IST1: variants seen among roughly 807,000 people sequenced by gnomAD.
IST1 encodes the protein IST1 homolog.
In IST1, 23 loss-of-function variants were observed where a neutral mutation model predicts 37.0. The observed-to-expected ratio is 0.62, with a 90% CI of 0.45 to 0.88. The LOEUF (loss-of-function observed/expected upper bound fraction) is 0.88. Ranked by LOEUF, IST1 falls within the 40% of genes least tolerant of loss-of-function variation. The pLI is 0.00. For missense variants in IST1, 488 were observed against 445.4 expected (o/e 1.10, Z -0.86); for synonymous variants, 180 against 161.7 (o/e 1.11, Z -0.86).
intron 1 of IST1, among the ~76,000 whole-genome samples, chr16:71,907,712 C>T (rs1427655861): frequency 6.6e-6 from 1 of 152,156 alleles, no homozygotes; most frequent in East Asian, 1.9e-4. Flanking sequence ...TTTCTATTGA[C>T]TTACCTACAA....
At chr16:71,902,311 C>G (rs1416959014) in intron 1 of IST1, among the ~76,000 whole-genome samples, 1 of 152,064 alleles carries the variant, frequency 6.6e-6, no homozygotes, top group Non-Finnish European at 1.5e-5. Context: ...GCTCTGTCAT[C>G]CAGGCTGGAA....
intron 1 of IST1, among the ~76,000 whole-genome samples, chr16:71,899,403 G>A (rs1022124660): frequency 6.6e-6 from 1 of 151,598 alleles, no homozygotes; most frequent in Admixed American, 6.6e-5. Context: ...ACATAGCAAG[G>A]CCCCATCTCT....
intron 2 of IST1, 30 bp from the exon 3 acceptor site, chr16:71,916,432 T>C (rs762921404): frequency 6.2e-7 from 1 of 1,608,150 alleles, no homozygotes; most frequent in East Asian, 2.2e-5. Context: ...GCTCTACTGC[T>C]GTGAGATCGG....
intron 9 of IST1, 37 bp from the exon 10 acceptor site, chr16:71,927,577 C>G: frequency 7.1e-7 from 1 of 1,406,140 alleles, no homozygotes; most frequent in Non-Finnish European, 1.0e-6. Context: ...AGTCATTTCT[C>G]TGGTATTTGT....
Position 71,931,109 on chromosome 16 carries a change from T to C in IST1, c.*3296T>C, listed in dbSNP as rs2037944275. Reference sequence around the variant, plus strand: ...TTTGCTCTATTTGTTTTTTAATGTTTTTTACTTTATGTTTACTGTATTTTT... The same window carrying C: ...TTTGCTCTATTTGTTTTTTAATGTTCTTTACTTTATGTTTACTGTATTTTT... On this transcript the variant is annotated 3_prime_UTR_variant, in exon 10 of 10. Transcript: ENST00000378799. 1 of 152,220 alleles carries C rather than the reference T, an allele frequency of 6.6e-6. No homozygotes were observed. Among genetic ancestry groups the C allele is most frequent in the South Asian group, 2.1e-4 (1 of 4,832 alleles). 9.4% of individuals were successfully genotyped at this position (152,220 alleles called of 1,614,324 possible).
intron 7 of IST1, 96 bp from the exon 8 acceptor site, chr16:71,923,192 G>T (rs1381523514): frequency 9.7e-6 from 6 of 620,888 alleles, no homozygotes; most frequent in Non-Finnish European, 1.1e-5. Context: ...TTTAGTATGA[G>T]AATATAAATG....
rs966726723 is a variant in IST1 at position 71,929,711 on chromosome 16, A to C, written c.*1898A>C. The C allele has an allele frequency of 5.3e-6, 8 of 1,500,812 alleles. No individual in the cohort carries two copies. In the East Asian group the frequency reaches 1.5e-4, roughly 28 times the overall value. 93.0% of individuals were successfully genotyped at this position (1,500,812 alleles called of 1,614,324 possible). On this transcript the variant is annotated 3_prime_UTR_variant, in exon 10 of 10. Coordinates refer to ENST00000378799, the MANE Select transcript of IST1 (RefSeq NM_001270975.2). ...TTGAAGACAAAAAGAGAAAAGTGAG[A>C]AAATTGAAATTACTGCTAATAGTGG...
chr16:71,909,068 G>A (rs889426266), intron 1 of IST1, among the ~76,000 whole-genome samples: 1 of 137,964 alleles, frequency 7.2e-6, no homozygotes, highest in Non-Finnish European at 1.6e-5. Flanking sequence ...ATAGTATTCT[G>A]TCATGTTTTT....
chr16:71,911,944 G>C (rs35404791), intron 1 of IST1, among the ~76,000 whole-genome samples: 37,907 of 151,650 alleles, frequency 0.25, 4,972 homozygotes, highest in Non-Finnish European at 0.28. Flanking sequence ...TCTCACTCCT[G>C]AGCTCAAGTC....
At chr16:71,906,161 G>A (rs1163732340) in intron 1 of IST1, among the ~76,000 whole-genome samples, 3 of 151,710 alleles carry the variant, frequency 2.0e-5, no homozygotes, top group East Asian at 1.9e-4. Context: ...GTGCCACTGC[G>A]CCCAGCTGAT....
At position 71,929,314 on chromosome 16, in the gene IST1, C is replaced by G; in HGVS notation, c.*1501C>G. ...CATCCTGGGCCATGGGTGGTGAGTT[C>G]TGTTACTTGCTGCTTGGCAGCAGAG... On this transcript the variant is annotated 3_prime_UTR_variant, in exon 10 of 10. Transcript: ENST00000378799. 1 of 410,716 alleles carries G rather than the reference C, an allele frequency of 2.4e-6. No individual in the cohort carries two copies. 25.4% of individuals were successfully genotyped at this position (410,716 alleles called of 1,614,324 possible).
chr16:71,915,541 G>C, intron 1 of IST1, 85 bp from the exon 2 acceptor site: 1 of 795,018 alleles, frequency 1.3e-6, no homozygotes, highest in Non-Finnish European at 2.0e-6. Flanking sequence ...CTCTGTTTTT[G>C]TTTCACATAA....
Position 71,928,464 on chromosome 16 carries a change from C to T in IST1, c.*651C>T, listed in dbSNP as rs2037806564. 6.5e-6 allele frequency: 1 copy of T among 152,852 alleles called. No homozygotes were observed. The highest frequency in any genetic ancestry group is 6.5e-5 in the Admixed American group (1 of 15,280). 9.5% of individuals were successfully genotyped at this position (152,852 alleles called of 1,614,324 possible). A position where few individuals can be genotyped will look rare whatever the true frequency, so the allele number is the denominator to read the frequency against. ...AGGCCTCGCTTAGTTGTACTGGATTCTCAGGGAGCCCTCTGTGGCCTTTTG... is the reference window on the plus strand; with the variant it reads ...AGGCCTCGCTTAGTTGTACTGGATTTTCAGGGAGCCCTCTGTGGCCTTTTG... On this transcript the variant is annotated 3_prime_UTR_variant, in exon 10 of 10. Coordinates refer to ENST00000378799, the MANE Select transcript of IST1 (RefSeq NM_001270975.2).
At chr16:71,922,411 C>CAT (rs2037615468) in intron 6 of IST1, 63 bp from the exon 7 acceptor site, 1 of 1,404,212 alleles carries the variant, frequency 7.1e-7, no homozygotes, top group South Asian at 1.2e-5. Context: ...TCTCAGACTC[C>CAT]GCTTTCTGGG....
At chr16:71,911,224 G>C (rs1469347180) in intron 1 of IST1, among the ~76,000 whole-genome samples, 1 of 150,986 alleles carries the variant, frequency 6.6e-6, no homozygotes, top group Non-Finnish European at 1.5e-5. Context: ...CTGGGTGAGA[G>C]TGAGACTCTT....
At position 71,929,331 on chromosome 16, in the gene IST1, G is replaced by A; in HGVS notation, c.*1518G>A. 2.2e-6 allele frequency: 1 copy of A among 455,658 alleles called. No homozygotes were observed. Among genetic ancestry groups the A allele is most frequent in the Non-Finnish European group, 3.8e-6 (1 of 265,624 alleles). 28.2% of individuals were successfully genotyped at this position (455,658 alleles called of 1,614,324 possible). ...GGTGAGTTCTGTTACTTGCTGCTTG[G>A]CAGCAGAGCTAGTTTGTCTCGTAGT... On this transcript the variant is annotated 3_prime_UTR_variant, in exon 10 of 10. Coordinates refer to ENST00000378799, the MANE Select transcript of IST1 (RefSeq NM_001270975.2).
At position 71,930,392 on chromosome 16, in the gene IST1, GT is replaced by G. The variant is rs1272977305; in HGVS notation, c.*2580del. ...TCATTTTAAGGAGGTTAAGATAATT[GT>G]GACTGCAGGGCTTTCACAAGAAAAC... On this transcript the variant is annotated 3_prime_UTR_variant, in exon 10 of 10. Coordinates refer to ENST00000378799, the MANE Select transcript of IST1 (RefSeq NM_001270975.2). 5.0e-6 allele frequency: 2 copies of G among 402,826 alleles called. No homozygotes were observed. The highest frequency in any genetic ancestry group is 4.1e-5 in the African/African-American group (2 of 48,976). The allele number at this position is 402,826 out of a possible 1,614,324, so 25.0% of individuals were successfully genotyped here.
chr16:71,915,390 G>T (rs185466708), intron 1 of IST1, among the ~76,000 whole-genome samples: 47 of 152,210 alleles, frequency 3.1e-4, no homozygotes, highest in Middle Eastern at 3.4e-3. Context: ...ACCATCTCTT[G>T]TCTGGATGAT....
chr16:71,924,336 G>C (rs116650479), intron 8 of IST1: 6 of 383,000 alleles, frequency 1.6e-5, no homozygotes, highest in African/African-American at 2.1e-5. Context: ...GGGGCTGGGC[G>C]GGGTGGTTCA....
Sources: allele counts gnomAD v4.1 joint callset (sites outside exome capture counted in the v4.1 genomes callset), GRCh38; gene constraint gnomAD v4.1.1; transcripts MANE v1.5; gene names NCBI Gene and HGNC (gene_info 2026-07-23, HGNC 2026-07-21).